Variants in SOHLH2 observed in about 807,000 individuals in gnomAD.
The protein encoded by SOHLH2 is spermatogenesis- and oogenesis-specific basic helix-loop-helix-containing protein 2.
Under a neutral mutation model 50.4 loss-of-function variants are expected in SOHLH2, and 22 were observed. That is an observed-to-expected ratio of 0.44 (90% CI 0.31 to 0.62). SOHLH2 has a LOEUF of 0.62. SOHLH2 is among the 20% of genes least tolerant of loss of function. The pLI, the probability that SOHLH2 is intolerant of heterozygous loss-of-function variation, is 0.08. For missense variants in SOHLH2, 412 were observed against 504.4 expected, an observed-to-expected ratio of 0.82 and a Z score of 1.76; for synonymous variants, 185 against 187.3, an observed-to-expected ratio of 0.99 and a Z score of 0.10.
intron 1 of SOHLH2, among the ~76,000 whole-genome samples, chr13:36,213,252 T>C (rs1242129922): frequency 1.3e-5 from 2 of 152,216 alleles, no homozygotes; most frequent in Non-Finnish European, 2.9e-5. Flanking sequence ...GATATTTCAT[T>C]CAGAATTCAT....
At chr13:36,180,503 T>C (rs892970339) in intron 6 of SOHLH2, among the ~76,000 whole-genome samples, 1 of 152,152 alleles carries the variant, frequency 6.6e-6, no homozygotes, top group Non-Finnish European at 1.5e-5. Context: ...ACATGTGCAG[T>C]ACATGCAGGT....
At chr13:36,173,389 A>C (rs944644074) in intron 9 of SOHLH2, among the ~76,000 whole-genome samples, 3 of 152,242 alleles carry the variant, frequency 2.0e-5, no homozygotes, top group Non-Finnish European at 4.4e-5. Context: ...TCAGTCCTGA[A>C]ATTATACGAA....
chr13:36,174,643 T>C lies in SOHLH2; in HGVS notation c.790-76A>G, dbSNP rs537145766. 113 of 1,598,234 alleles carry C rather than the reference T, an allele frequency of 7.1e-5. No individual in the cohort carries two copies. The African/African-American group carries it at 1.4e-3, about 20-fold the overall frequency. On this transcript the variant is annotated intron_variant, in intron 7 of 10. Coordinates refer to ENST00000379881, the MANE Select transcript of SOHLH2 (RefSeq NM_017826.3). ...TACAAAGACACATACTTTCCAATGA[T>C]AAAAAATTAAAAGAAGTAAAATTGT...
intron 2 of SOHLH2, among the ~76,000 whole-genome samples, chr13:36,196,534 T>C (rs1887737751): frequency 6.6e-6 from 1 of 152,160 alleles, no homozygotes; most frequent in African/African-American, 2.4e-5. Context: ...CAGATGGGAC[T>C]GAAAGAAAAT....
intron 2 of SOHLH2, among the ~76,000 whole-genome samples, chr13:36,195,195 G>A (rs1887687888): frequency 6.6e-6 from 1 of 152,120 alleles, no homozygotes; most frequent in African/African-American, 2.4e-5. Flanking sequence ...TCCACGTCTG[G>A]GCACCAACCT....
intron 2 of SOHLH2, among the ~76,000 whole-genome samples, chr13:36,196,318 T>G (rs369367864): frequency 1.3e-5 from 2 of 151,790 alleles, no homozygotes; most frequent in Non-Finnish European, 2.9e-5. Context: ...TAGAGATGGG[T>G]TCTCACTATG....
chr13:36,208,747 T>G (rs1398092614), intron 1 of SOHLH2, among the ~76,000 whole-genome samples: 2 of 152,182 alleles, frequency 1.3e-5, no homozygotes, highest in African/African-American at 4.8e-5. Context: ...GCTCAGAAAA[T>G]TATTTAAAGA....
At chr13:36,183,852 A>G (rs1291288179) in intron 6 of SOHLH2, among the ~76,000 whole-genome samples, 1 of 152,212 alleles carries the variant, frequency 6.6e-6, no homozygotes, top group African/African-American at 2.4e-5. Flanking sequence ...TAAGTGGGTC[A>G]ATTCAGCAAG....
At chr13:36,182,225 G>A in intron 6 of SOHLH2, 4 of 985,340 alleles carry the variant, frequency 4.1e-6, no homozygotes, top group South Asian at 9.4e-5. Flanking sequence ...GAGAATTTTT[G>A]CAACTCAGAC....
At chr13:36,183,727 G>A (rs148186949) in intron 6 of SOHLH2, among the ~76,000 whole-genome samples, 7,707 of 152,126 alleles carry the variant, frequency 0.051, 264 homozygotes, top group Non-Finnish European at 0.075. Flanking sequence ...ACATATACAG[G>A]TTAGAAAAAA....
chr13:36,184,169 G>A (rs962185028), intron 6 of SOHLH2, among the ~76,000 whole-genome samples: 1 of 152,048 alleles, frequency 6.6e-6, no homozygotes, highest in African/African-American at 2.4e-5. Context: ...GTTTTCAGAT[G>A]ACAGCATAAT....
At chr13:36,199,816 T>C (rs1887845418) in intron 2 of SOHLH2, among the ~76,000 whole-genome samples, 1 of 152,216 alleles carries the variant, frequency 6.6e-6, no homozygotes, top group South Asian at 2.1e-4. Context: ...GTGGCTCTGA[T>C]AGTGAGCAAA....
chr13:36,210,293 TTC>T (rs1418515451), intron 1 of SOHLH2, among the ~76,000 whole-genome samples: 1 of 152,206 alleles, frequency 6.6e-6, no homozygotes, highest in Non-Finnish European at 1.5e-5. Flanking sequence ...TCATCTTTGT[TTC>T]TGTCAACATT....
At chr13:36,196,189 G>A (rs1329183952) in intron 2 of SOHLH2, among the ~76,000 whole-genome samples, 4 of 143,714 alleles carry the variant, frequency 2.8e-5, no homozygotes, top group Admixed American at 2.1e-4. Flanking sequence ...GCAGTGGCGT[G>A]GTCAAGGCTC....
Position 36,174,578 on chromosome 13 carries a change from C to A in SOHLH2, c.790-11G>T. 1.9e-6 allele frequency: 3 copies of A among 1,613,828 alleles called. No homozygotes were observed. Among genetic ancestry groups the A allele is most frequent in the Non-Finnish European group, 2.5e-6 (3 of 1,179,974 alleles). ...AAGTGCTTCTGTAATCTAAAAAACA[C>A]AGAAATATATTTAGGTAGATACCGA... On this transcript the variant is annotated splice_polypyrimidine_tract_variant and intron_variant, in intron 7 of 10. Coordinates refer to ENST00000379881, the MANE Select transcript of SOHLH2 (RefSeq NM_017826.3).
intron 6 of SOHLH2, among the ~76,000 whole-genome samples, chr13:36,177,645 T>C (rs903529046): frequency 1.1e-4 from 16 of 152,262 alleles, no homozygotes; most frequent in African/African-American, 3.6e-4. Flanking sequence ...TGTTTTAATC[T>C]GCATTTCCCT....
At chr13:36,182,026 A>G (rs193283877) in intron 6 of SOHLH2, 6 of 977,128 alleles carry the variant, frequency 6.1e-6, no homozygotes, top group Non-Finnish European at 7.3e-6. Flanking sequence ...TTTCTAATTT[A>G]TTAATGTTTT....
At chr13:36,173,085 G>A (rs1887003894) in intron 9 of SOHLH2, among the ~76,000 whole-genome samples, 1 of 152,126 alleles carries the variant, frequency 6.6e-6, no homozygotes, top group Non-Finnish European at 1.5e-5. Context: ...GTTCCACAAT[G>A]AATATTCACA....
At chr13:36,202,164 G>A (rs1016165890) in intron 1 of SOHLH2, 71 bp from the exon 2 acceptor site, 4 of 1,558,816 alleles carry the variant, frequency 2.6e-6, no homozygotes, top group African/African-American at 2.7e-5. Context: ...TGTATGAGAG[G>A]ATAAGATAAA....
Sources: allele counts gnomAD v4.1 joint callset (sites outside exome capture counted in the v4.1 genomes callset), GRCh38; gene constraint gnomAD v4.1.1; transcripts MANE v1.5; gene names NCBI Gene and HGNC (gene_info 2026-07-23, HGNC 2026-07-21).